Variants in ABCG1 observed in about 807,000 individuals in gnomAD.
ABCG1 encodes ATP-binding cassette sub-family G member 1.
Under a neutral mutation model 69.2 loss-of-function variants are expected in ABCG1, and 29 were observed. The ratio of observed to expected loss-of-function variants is 0.42; its 90% CI spans 0.31 to 0.57. The LOEUF (loss-of-function observed/expected upper bound fraction) is 0.57. Among genes scored for constraint, ABCG1 ranks in the 20% least tolerant of loss-of-function variants. ABCG1 has a pLI of 0.15. For synonymous variants in ABCG1, 370 were observed against 374.8 expected, an observed-to-expected ratio of 0.99 and a Z score of 0.15; for missense variants, 718 against 898.1, an observed-to-expected ratio of 0.80 and a Z score of 2.56.
chr21:42,253,546 G>A (rs538020378), intron 2 of ABCG1, among the ~76,000 whole-genome samples: 1 of 152,298 alleles, frequency 6.6e-6, no homozygotes, highest in East Asian at 1.9e-4. Flanking sequence ...GGACCCCCAG[G>A]CAAGCAGCCC....
chr21:42,236,102 T>C (rs2067974998), intron 2 of ABCG1, among the ~76,000 whole-genome samples: 1 of 152,214 alleles, frequency 6.6e-6, no homozygotes. Flanking sequence ...CTGAGCCTTC[T>C]CTGGGGTCAG....
chr21:42,202,449 G>A (rs190926024), intron 2 of ABCG1, among the ~76,000 whole-genome samples: 1 of 152,188 alleles, frequency 6.6e-6, no homozygotes, highest in African/African-American at 2.4e-5. Context: ...GGGGAGAGAT[G>A]AGCAGTGAAA....
intron 13 of ABCG1, among the ~76,000 whole-genome samples, chr21:42,293,242 ACACC>A: frequency 7.7e-6 from 1 of 129,068 alleles, no homozygotes; most frequent in African/African-American, 3.3e-5. Context: ...CACCACACAC[ACACC>A]ACACTACACA....
At chr21:42,281,703 G>A (rs1432370645) in intron 5 of ABCG1, among the ~76,000 whole-genome samples, 1 of 152,174 alleles carries the variant, frequency 6.6e-6, no homozygotes, top group Non-Finnish European at 1.5e-5. Context: ...CCTGGTGTGT[G>A]TGACCGTGTT....
chr21:42,229,158 C>T (rs1162148309), intron 2 of ABCG1, among the ~76,000 whole-genome samples: 1 of 152,238 alleles, frequency 6.6e-6, no homozygotes, highest in African/African-American at 2.4e-5. Context: ...CAGAGCCCAG[C>T]CTCACTCTGC....
At chr21:42,235,261 T>C (rs2067962747) in intron 2 of ABCG1, among the ~76,000 whole-genome samples, 1 of 152,068 alleles carries the variant, frequency 6.6e-6, no homozygotes. Context: ...GGAATGGAAA[T>C]GGCGCTCAAA....
chr21:42,274,114 C>T (rs905420573), intron 4 of ABCG1, among the ~76,000 whole-genome samples: 2 of 152,210 alleles, frequency 1.3e-5, no homozygotes, highest in Admixed American at 6.5e-5. Context: ...GCTTCCCTGC[C>T]GTGCACCTGC....
At chr21:42,204,657 T>A (rs1256021591) in intron 2 of ABCG1, among the ~76,000 whole-genome samples, 1 of 152,156 alleles carries the variant, frequency 6.6e-6, no homozygotes, top group Non-Finnish European at 1.5e-5. Context: ...TTGTTTGGGT[T>A]TTCTGTATTT....
intron 2 of ABCG1, chr21:42,256,251 C>A: frequency 1.3e-6 from 2 of 1,484,496 alleles, no homozygotes; most frequent in Non-Finnish European, 1.8e-6. Context: ...GTGCAACAGA[C>A]AGAACACTTA....
intron 2 of ABCG1, among the ~76,000 whole-genome samples, chr21:42,248,674 G>A (rs1187825298): frequency 6.6e-6 from 1 of 152,012 alleles, no homozygotes; most frequent in Non-Finnish European, 1.5e-5. Context: ...AATTGTTTGA[G>A]CCCAGGAGTT....
At chr21:42,201,856 T>G in intron 2 of ABCG1, 1 of 1,545,390 alleles carries the variant, frequency 6.5e-7, no homozygotes, top group Non-Finnish European at 8.8e-7. Flanking sequence ...GCTCCTGCGG[T>G]GTAGTTTGGT....
Position 42,219,240 on chromosome 21 carries a change from G to GCCGCCGCCGCCGCCC in ABCG1, c.-19_-5dup. 1 of 1,523,688 alleles carries GCCGCCGCCGCCGCCC rather than the reference G, an allele frequency of 6.6e-7. No individual in the cohort carries two copies. Among genetic ancestry groups the GCCGCCGCCGCCGCCC allele is most frequent in the East Asian group, 2.6e-5 (1 of 38,308 alleles). 94.4% of individuals were successfully genotyped at this position (1,523,688 alleles called of 1,614,324 possible). A position where few individuals can be genotyped will look rare whatever the true frequency, so the allele number is the denominator to read the frequency against. On this transcript the variant is annotated 5_prime_UTR_variant, in exon 1 of 15. Transcript: ENST00000398449. This position sits in a 1 kb window ranked among gnomAD's most constrained non-coding sequence, Gnocchi z 5.3. ...CCTCGTCCCCGCCGCCGCCGCCGCCGCCGCCGCCGCCGCCCCCGGGGCATG... is the reference window on the plus strand; with the variant it reads ...CCTCGTCCCCGCCGCCGCCGCCGCCGCCGCCGCCGCCGCCCCCGCCGCCGCCGCCCCCGGGGCATG...
chr21:42,288,657 G>A lies in ABCG1; in HGVS notation c.1224+345G>A, dbSNP rs1020564492. On this transcript the variant is annotated intron_variant, in intron 10 of 14. Transcript: ENST00000398449. This position sits in a 1 kb window ranked among gnomAD's most constrained non-coding sequence, Gnocchi z 4.8. Reference sequence around the variant, plus strand: ...AGGGGGGCGGAGATTGCAGTGAGCCGAGATTGCACCACTGCACTCCAGCCT... The same window carrying A: ...AGGGGGGCGGAGATTGCAGTGAGCCAAGATTGCACCACTGCACTCCAGCCT... 1.9e-4 allele frequency among the ~76,000 whole-genome samples: 29 copies of A among 151,972 alleles called. 1 individual carries two copies. Among genetic ancestry groups the A allele is most frequent in the African/African-American group, 9.7e-5 (4 of 41,340 alleles).
At chr21:42,224,230 C>T (rs2067777440) in intron 1 of ABCG1, among the ~76,000 whole-genome samples, 1 of 152,136 alleles carries the variant, frequency 6.6e-6, no homozygotes, top group Non-Finnish European at 1.5e-5. Context: ...GTTTTTGGGG[C>T]TCTTTTGGAA....
chr21:42,206,782 T>G (rs1292138532), intron 2 of ABCG1, among the ~76,000 whole-genome samples: 1 of 152,192 alleles, frequency 6.6e-6, no homozygotes, highest in East Asian at 1.9e-4. Context: ...TTTAAATAAC[T>G]TCATTTCATC....
At chr21:42,282,212 G>A (rs2068822488) in intron 5 of ABCG1, 62 bp from the exon 6 acceptor site, 2 of 1,580,970 alleles carry the variant, frequency 1.3e-6, no homozygotes, top group Non-Finnish European at 1.7e-6. Context: ...TCCTGCATGG[G>A]CCATGGGAGG....
intron 2 of ABCG1, among the ~76,000 whole-genome samples, chr21:42,270,250 A>C (rs1255057801): frequency 8.7e-6 from 1 of 114,920 alleles, no homozygotes; most frequent in African/African-American, 4.0e-5. Context: ...ACAGAGCAAG[A>C]CTCAGTCTCA....
rs2067557634 is a variant in ABCG1, at chr21:42,208,110, G to T, written c.48+6387G>T. Among the ~76,000 whole-genome samples, 5 of 152,208 alleles carry T rather than the reference G, an allele frequency of 3.3e-5. No individual in the cohort carries two copies. In the South Asian group the frequency reaches 1.0e-3, roughly 32 times the overall value. On this transcript the variant is annotated intron_variant, in intron 2 of 15. Coordinates refer to the ABCG1 transcript ENST00000398457. ...TGGCATGGGCAGACATTTGACCACAGTTTATTCTGGAATGTTTGGTTGAAG... is the reference window on the plus strand; with the variant it reads ...TGGCATGGGCAGACATTTGACCACATTTTATTCTGGAATGTTTGGTTGAAG...
chr21:42,210,121 A>G (rs2123471263), intron 2 of ABCG1, among the ~76,000 whole-genome samples: 1 of 152,270 alleles, frequency 6.6e-6, no homozygotes, highest in Middle Eastern at 3.4e-3. Context: ...CTCTCCTTAC[A>G]TCAATGCCAA....
Sources: allele counts gnomAD v4.1 joint callset (sites outside exome capture counted in the v4.1 genomes callset), GRCh38; gene constraint gnomAD v4.1.1; non-coding constraint Gnocchi (gnomAD v3.1); transcripts MANE v1.5; gene names NCBI Gene and HGNC (gene_info 2026-07-23, HGNC 2026-07-21).